RERE: variants seen among roughly 807,000 people sequenced by gnomAD.
RERE encodes arginine-glutamic acid dipeptide repeats protein.
In RERE, 40 loss-of-function variants were observed where a neutral mutation model predicts 146.1. The observed-to-expected ratio is 0.27, with a 90% CI of 0.21 to 0.36. RERE has a LOEUF of 0.36. Ranked by LOEUF, RERE falls within the 10% of genes least tolerant of loss-of-function variation. RERE has a pLI of 1.00. For missense variants in RERE, 1,933 were observed against 2,138.7 expected, an observed-to-expected ratio of 0.90 and a Z score of 1.90; for synonymous variants, 1,003 against 866.0, an observed-to-expected ratio of 1.16 and a Z score of -2.78.
chr1:8,564,856 GTGTGTGTGTGTGTGTATA>G (rs778539391), intron 4 of RERE, among the ~76,000 whole-genome samples: 3,686 of 145,404 alleles, frequency 0.025, 68 homozygotes, highest in Middle Eastern at 0.06. Flanking sequence ...GTGTGTGTGT[GTGTGTGTGTGTGTGTATA>G]TATATATATA....
At chr1:8,805,340 C>T (rs1157311241) in intron 1 of RERE, among the ~76,000 whole-genome samples, 1 of 151,878 alleles carries the variant, frequency 6.6e-6, no homozygotes, top group African/African-American at 2.4e-5. Context: ...TGGTGAAACC[C>T]CATCTCTACT....
At chr1:8,502,399 G>C (rs1354374059) in intron 8 of RERE, among the ~76,000 whole-genome samples, 1 of 120,492 alleles carries the variant, frequency 8.3e-6, no homozygotes, top group South Asian at 3.0e-4. Flanking sequence ...GCCTCTGCCC[G>C]GCCGCCCCTA....
chr1:8,612,841 CG>C (rs1321775704), intron 4 of RERE, among the ~76,000 whole-genome samples: 1 of 152,112 alleles, frequency 6.6e-6, no homozygotes, highest in African/African-American at 2.4e-5. Flanking sequence ...TAATTTGTCC[CG>C]TAAGATGTCA....
intron 12 of RERE, among the ~76,000 whole-genome samples, chr1:8,421,085 C>T (rs543237316): frequency 6.6e-6 from 1 of 152,136 alleles, no homozygotes; most frequent in Non-Finnish European, 1.5e-5. Flanking sequence ...CTTAATCTTC[C>T]AATTATGAAT....
In RERE at chr1:8,741,494, G is replaced by A. The variant is rs191942451; in HGVS notation, c.-145+75666C>T. 7.7e-4 allele frequency among the ~76,000 whole-genome samples: 117 copies of A among 152,286 alleles called. 1 individual carries two copies. The highest frequency in any genetic ancestry group is 7.5e-4 in the African/African-American group (31 of 41,560). Reference sequence around the variant, plus strand: ...GAGACCAGGTGGAGGTAACTGAATCGTGGAGCCGGTTTCTCCCATGCTGTT... The same window carrying A: ...GAGACCAGGTGGAGGTAACTGAATCATGGAGCCGGTTTCTCCCATGCTGTT... On this transcript the variant is annotated intron_variant, in intron 1 of 22. Coordinates refer to ENST00000400908, the MANE Select transcript of RERE (RefSeq NM_001042681.2).
intron 2 of RERE, among the ~76,000 whole-genome samples, chr1:8,633,692 C>T (rs1338570259): frequency 3.3e-5 from 5 of 151,882 alleles, no homozygotes; most frequent in African/African-American, 1.2e-4. Context: ...TTTGGGAAGC[C>T]GAGGCAGGTG....
chr1:8,422,237 T>C (rs72636935), intron 12 of RERE, among the ~76,000 whole-genome samples: 7,618 of 152,220 alleles, frequency 0.05, 262 homozygotes, highest in Middle Eastern at 0.082. Flanking sequence ...CTCTCAGGGA[T>C]AGAATATTAA....
chr1:8,418,950 T>C (rs1643850766), intron 12 of RERE, among the ~76,000 whole-genome samples: 1 of 152,170 alleles, frequency 6.6e-6, no homozygotes, highest in Admixed American at 6.6e-5. Flanking sequence ...GGGCGCTCTG[T>C]GACTTATACA....
chr1:8,493,397 CAA>C (rs1645003584), intron 10 of RERE, among the ~76,000 whole-genome samples: 1 of 152,202 alleles, frequency 6.6e-6, no homozygotes, highest in Non-Finnish European at 1.5e-5. Context: ...ATATTTATGA[CAA>C]TGTGAAAAAA....
rs564369088 is a variant in RERE at position 8,610,844 on chromosome 1, C to CA, written c.522+3716dup. ...TATCCTATGTTACCAAGAAACATGTCAAAAGAAAAAAAGTTCCCTAATGGA... is the reference window on the plus strand; with the variant it reads ...TATCCTATGTTACCAAGAAACATGTCAAAAAGAAAAAAAGTTCCCTAATGGA... On this transcript the variant is annotated intron_variant, in intron 4 of 22. Transcript: ENST00000400908. Among the ~76,000 whole-genome samples the CA allele has an allele frequency of 8.1e-5, 12 of 147,844 alleles. No individual in the cohort carries two copies. In the East Asian group the frequency reaches 2.4e-3, roughly 29 times the overall value.
In RERE at chr1:8,596,672, CT is replaced by C. The variant is rs3082096; in HGVS notation, c.522+17888del. Reference sequence around the variant, plus strand: ...TATAGCCACAAGCTACCATGTCTGGCTTTTTTTTTTTTTTTTCTGGTAGAGA... The same window carrying C: ...TATAGCCACAAGCTACCATGTCTGGCTTTTTTTTTTTTTTTCTGGTAGAGA... On this transcript the variant is annotated intron_variant, in intron 4 of 22. Coordinates refer to ENST00000400908, the MANE Select transcript of RERE (RefSeq NM_001042681.2). 8.9e-3 allele frequency among the ~76,000 whole-genome samples: 1,227 copies of C among 137,776 alleles called. 13 individuals carry two copies. Among genetic ancestry groups the C allele is most frequent in the African/African-American group, 0.03 (1,100 of 36,952 alleles). The allele number at this position is 137,776 out of a possible 152,430, so 90.4% of individuals were successfully genotyped here. A position where few individuals can be genotyped will look rare whatever the true frequency, so the allele number is the denominator to read the frequency against.
chr1:8,792,548 G>A (rs1403431866), intron 1 of RERE: 1 of 152,146 alleles, frequency 6.6e-6, no homozygotes, highest in South Asian at 2.1e-4. Context: ...GTTGTGACCC[G>A]GTGCTGAGCG....
intron 11 of RERE, among the ~76,000 whole-genome samples, chr1:8,444,104 T>C (rs867783982): frequency 2.0e-5 from 3 of 152,214 alleles, no homozygotes; most frequent in African/African-American, 7.2e-5. Flanking sequence ...TTGCACTGTA[T>C]GCCTGGAAAA....
intron 1 of RERE, chr1:8,805,844 CTTTTTTTTTTTTT>C (rs70985526): frequency 1.5e-5 from 1 of 66,022 alleles, no homozygotes; most frequent in Non-Finnish European, 2.7e-5. Flanking sequence ...AAACAACCTT[CTTTTTTTTTTTTT>C]TTTTTTTTTT....
At chr1:8,439,337 G>T (rs1644214839) in intron 11 of RERE, among the ~76,000 whole-genome samples, 1 of 152,210 alleles carries the variant, frequency 6.6e-6, no homozygotes, top group South Asian at 2.1e-4. Context: ...TATGGCAACA[G>T]AAATGCGATA....
intron 1 of RERE, among the ~76,000 whole-genome samples, chr1:8,660,665 C>T (rs1349541655): frequency 6.6e-6 from 1 of 152,196 alleles, no homozygotes; most frequent in Non-Finnish European, 1.5e-5. Flanking sequence ...GCACCAACTT[C>T]TCCTACATTC....
chr1:8,383,750 T>C (rs1642537123), intron 12 of RERE, among the ~76,000 whole-genome samples: 1 of 152,004 alleles, frequency 6.6e-6, no homozygotes, highest in Non-Finnish European at 1.5e-5. Flanking sequence ...TCCCAGCTAC[T>C]TAGGAGGCTG....
At position 8,361,311 on chromosome 1, in the gene RERE, C is replaced by G; in HGVS notation, c.2196G>C (p.Gln732His). Residue 732 changes from glutamine (Q) to histidine (H), a missense_variant, in exon 18 of 23, where the codon CAG becomes CAC. Transcript: ENST00000400908. ...AGGCTGGGGGCTGGGCCTGCAGCAT[C>G]TGCTGCTGGGCTGACGAGTCCGAGT... ...ESDSDSSAQQ[Q>H]MLQAQPPALQ... 6.2e-7 allele frequency: 1 copy of G among 1,610,806 alleles called. No individual in the cohort carries two copies. Among genetic ancestry groups the G allele is most frequent in the Non-Finnish European group, 8.5e-7 (1 of 1,178,204 alleles).
chr1:8,778,769 G>A (rs1641113380), intron 1 of RERE, among the ~76,000 whole-genome samples: 1 of 151,636 alleles, frequency 6.6e-6, no homozygotes, highest in African/African-American at 2.4e-5. Context: ...CCACGAGGTG[G>A]ACATTGCAGT....
Sources: gnomAD v4.1 joint callset for allele counts (sites outside exome capture counted in the v4.1 genomes callset) on GRCh38, gnomAD v4.1.1 for gene constraint, MANE v1.5 for transcripts, NCBI Gene and HGNC (gene_info 2026-07-23, HGNC 2026-07-21) for gene names.